The following PTPRZ1 variants were observed in gnomAD, a reference collection of about 807,000 sequenced individuals.
PTPRZ1 encodes the protein protein tyrosine phosphatase receptor type Z1, also known as receptor-type tyrosine-protein phosphatase zeta.
In PTPRZ1, 82 loss-of-function variants were observed where a neutral mutation model predicts 214.1. The observed-to-expected ratio is 0.38, with a 90% CI of 0.32 to 0.46. PTPRZ1 has a LOEUF of 0.46. PTPRZ1 is among the 20% of genes least tolerant of loss of function. The probability of loss-of-function intolerance (pLI) is 1.00; values close to 1 mark genes in which losing one functional copy is unlikely to be tolerated. For missense variants in PTPRZ1, 2,603 were observed against 2,748.7 expected, an observed-to-expected ratio of 0.95 and a Z score of 1.19; for synonymous variants, 945 against 987.9, an observed-to-expected ratio of 0.96 and a Z score of 0.81.
intron 2 of PTPRZ1, among the ~76,000 whole-genome samples, chr7:121,953,361 A>G (rs972007158): frequency 1.3e-5 from 2 of 152,232 alleles, no homozygotes; most frequent in Non-Finnish European, 2.9e-5. Context: ...TGAAAAGACA[A>G]TGATGCAATA....
chr7:121,984,959 T>C (rs371578149), intron 8 of PTPRZ1, among the ~76,000 whole-genome samples: 38 of 152,356 alleles, frequency 2.5e-4, no homozygotes, highest in African/African-American at 8.9e-4. Context: ...TCCAAGTAGA[T>C]GGACCTCTTT....
At chr7:121,909,223 T>C (rs1795201677) in intron 1 of PTPRZ1, among the ~76,000 whole-genome samples, 1 of 151,986 alleles carries the variant, frequency 6.6e-6, no homozygotes, top group Non-Finnish European at 1.5e-5. Flanking sequence ...GCTGCTGGAG[T>C]ATATGCTCCA....
intron 2 of PTPRZ1, among the ~76,000 whole-genome samples, chr7:121,935,803 C>T (rs1282095770): frequency 6.6e-6 from 1 of 152,038 alleles, no homozygotes; most frequent in East Asian, 1.9e-4. Context: ...CTCCTGACCT[C>T]GTGATCTGCC....
At chr7:121,908,354 A>T in intron 1 of PTPRZ1, 5 of 214,792 alleles carry the variant, frequency 2.3e-5, no homozygotes, top group South Asian at 5.1e-5. Context: ...TGTGTAGATC[A>T]ATCCCTTTGG....
At chr7:122,022,839 G>C (rs1213408734) in intron 13 of PTPRZ1, among the ~76,000 whole-genome samples, 2 of 152,126 alleles carry the variant, frequency 1.3e-5, no homozygotes, top group Non-Finnish European at 2.9e-5. Context: ...GAAAGCTACA[G>C]GAATCAAGAG....
At chr7:122,043,436 AT>A (rs1250234558) in intron 22 of PTPRZ1, among the ~76,000 whole-genome samples, 3 of 152,192 alleles carry the variant, frequency 2.0e-5, no homozygotes, top group African/African-American at 7.2e-5. Flanking sequence ...TTATGCTTAA[AT>A]TATATCCATT....
chr7:121,968,076 G>T lies in PTPRZ1; in HGVS notation c.250G>T (p.Gly84Cys), dbSNP rs180794668. Residue 84 changes from glycine (G) to cysteine (C), a missense_variant, in exon 3 of 30, where the codon GGT becomes TGT. Gly to Cys is a radical substitution (Grantham distance 159). Around this residue, in one of 6 missense-constraint regions of PTPRZ1, gnomAD observed 141 missense variants for 143.7 expected, o/e 0.98. Transcript: ENST00000393386. Reference protein sequence around the residue: ...NVNLKKLKFQGWDKTSLENTF... With the variant: ...NVNLKKLKFQCWDKTSLENTF... ...GAATCTTAAGAAACTTAAATTTCAGGGTTGGGATAAAACATCATTGGAAAA... is the reference window on the plus strand; with the variant it reads ...GAATCTTAAGAAACTTAAATTTCAGTGTTGGGATAAAACATCATTGGAAAA... 1.2e-6 allele frequency: 2 copies of T among 1,606,798 alleles called. No homozygotes were observed. Among genetic ancestry groups the T allele is most frequent in the African/African-American group, 1.3e-5 (1 of 74,726 alleles).
intron 13 of PTPRZ1, among the ~76,000 whole-genome samples, chr7:122,025,217 C>T (rs1799173264): frequency 6.6e-6 from 1 of 151,940 alleles, no homozygotes; most frequent in Admixed American, 6.6e-5. Context: ...ATTACACTAA[C>T]CACCAATTAA....
chr7:121,873,162 G>GACCGCGGCC lies in PTPRZ1; in HGVS notation c.-337_-329dup, dbSNP rs1793928168. ...GGCTTCGCTGCTCTCGGAGCGCTCAGACCGCGGCCGCCGCAGCCGGCGAAA... is the reference window on the plus strand; with the variant it reads ...GGCTTCGCTGCTCTCGGAGCGCTCAGACCGCGGCCACCGCGGCCGCCGCAGCCGGCGAAA... On this transcript the variant is annotated 5_prime_UTR_variant, in exon 1 of 30. Coordinates refer to ENST00000393386, the MANE Select transcript of PTPRZ1 (RefSeq NM_002851.3). The GACCGCGGCC allele has an allele frequency of 4.8e-6, 2 of 413,474 alleles. No individual in the cohort carries two copies. Among genetic ancestry groups the GACCGCGGCC allele is most frequent in the Non-Finnish European group, 8.5e-6 (2 of 235,250 alleles). The allele number at this position is 413,474 out of a possible 1,614,324, so 25.6% of individuals were successfully genotyped here.
chr7:121,966,361 A>T (rs1398239782), intron 2 of PTPRZ1, among the ~76,000 whole-genome samples: 1 of 152,202 alleles, frequency 6.6e-6, no homozygotes, highest in East Asian at 1.9e-4. Context: ...ATTATATTGT[A>T]TTAAAAATGT....
In PTPRZ1 at chr7:122,012,171, C is replaced by T. The variant is rs1339817882; in HGVS notation, c.3125C>T (p.Ser1042Phe). ...TTTGGTGATGATAATAAGGCGCTTT[C>T]TAAAAGTGAAATAATATATGGAAAT... ...SVFGDDNKAL[S>F]KSEIIYGNET... Residue 1042 changes from serine to phenylalanine, a missense_variant, in exon 12 of 30, where the codon TCT becomes TTT. Ser to Phe is a radical substitution (Grantham distance 155, BLOSUM62 -2). Coordinates refer to ENST00000393386, the MANE Select transcript of PTPRZ1 (RefSeq NM_002851.3). The T allele has an allele frequency of 6.2e-7, 1 of 1,613,940 alleles. No individual in the cohort carries two copies. Among genetic ancestry groups the T allele is most frequent in the East Asian group, 2.2e-5 (1 of 44,884 alleles).
At chr7:122,058,218 G>A (rs548353511) in intron 27 of PTPRZ1, among the ~76,000 whole-genome samples, 2 of 151,852 alleles carry the variant, frequency 1.3e-5, no homozygotes, top group South Asian at 4.2e-4. Context: ...TTTAAAAAAG[G>A]TATCATTTTT....
At chr7:122,046,235 G>A (rs1460721865) in intron 23 of PTPRZ1, among the ~76,000 whole-genome samples, 1 of 152,030 alleles carries the variant, frequency 6.6e-6, no homozygotes, top group African/African-American at 2.4e-5. Context: ...GGGCAACAGA[G>A]CAAGACCCTG....
chr7:121,880,214 A>T (rs1794195737), intron 1 of PTPRZ1, among the ~76,000 whole-genome samples: 1 of 152,186 alleles, frequency 6.6e-6, no homozygotes, highest in South Asian at 2.1e-4. Flanking sequence ...GTACTGGTTA[A>T]TGTGAAGTTT....
intron 2 of PTPRZ1, among the ~76,000 whole-genome samples, chr7:121,939,808 C>T (rs936112987): frequency 2.0e-5 from 3 of 151,766 alleles, no homozygotes; most frequent in African/African-American, 4.8e-5. Flanking sequence ...AGTGATTAAG[C>T]GTGATTTTTT....
intron 1 of PTPRZ1, among the ~76,000 whole-genome samples, chr7:121,891,250 C>T (rs1380419695): frequency 2.0e-5 from 3 of 151,958 alleles, no homozygotes; most frequent in Non-Finnish European, 4.4e-5. Context: ...TCTCAAATGT[C>T]CTCTGTCTTC....
chr7:122,039,188 T>C (rs1799638512), intron 19 of PTPRZ1, among the ~76,000 whole-genome samples: 1 of 152,222 alleles, frequency 6.6e-6, no homozygotes, highest in African/African-American at 2.4e-5. Flanking sequence ...ATTTTAGTCT[T>C]GGCTCTGTAA....
intron 2 of PTPRZ1, among the ~76,000 whole-genome samples, chr7:121,961,861 G>T (rs1390155707): frequency 6.6e-6 from 1 of 152,204 alleles, no homozygotes; most frequent in Admixed American, 6.5e-5. Flanking sequence ...GTAAGTCAAT[G>T]AGTGGATGAA....
In PTPRZ1 at chr7:122,012,797, C is replaced by G; in HGVS notation, c.3751C>G (p.His1251Asp). Residue 1251 changes from histidine to aspartate, a missense_variant, in exon 12 of 30, where the codon CAT becomes GAT. Physicochemically the swap from His to Asp is moderately conservative, Grantham distance 81 (BLOSUM62 -1). Around this residue, in one of 6 missense-constraint regions of PTPRZ1, gnomAD observed 1,913 missense variants for 1,914.3 expected, o/e 1.00. Transcript: ENST00000393386. Reference protein sequence around the residue: ...VPVFDVSPTSHMHSASLQGLT... With the variant: ...VPVFDVSPTSDMHSASLQGLT... ...AGTTTTTGATGTGTCGCCTACTTCT[C>G]ATATGCACTCTGCTTCACTTCAAGG... The G allele has an allele frequency of 6.2e-7, 1 of 1,611,364 alleles. No homozygotes were observed. The highest frequency in any genetic ancestry group is 8.5e-7 in the Non-Finnish European group (1 of 1,177,522).
Sources: gnomAD v4.1 joint callset for allele counts (sites outside exome capture counted in the v4.1 genomes callset) on GRCh38, gnomAD v4.1.1 for gene constraint, gnomAD v4.1.1 regional missense constraint, MANE v1.5 for transcripts, NCBI Gene and HGNC (gene_info 2026-07-23, HGNC 2026-07-21) for gene names.